Variants in DSCAM observed in about 807,000 individuals in gnomAD.
The protein encoded by DSCAM is cell adhesion molecule DSCAM.
A neutral mutation model predicts 217.7 loss-of-function variants in DSCAM; 47 were observed. The observed-to-expected ratio is 0.22, with a 90% CI of 0.17 to 0.28. The LOEUF (loss-of-function observed/expected upper bound fraction) is 0.28. DSCAM is among the 10% of genes least tolerant of loss of function. The pLI is 1.00. For synonymous variants in DSCAM, 1,056 were observed against 1,015.3 expected (o/e 1.04, Z -0.76); for missense variants, 2,080 against 2,618.3 (o/e 0.79, Z 4.49).
In DSCAM at chr21:40,116,871, G is replaced by A. The variant is rs186082870; in HGVS notation, c.3696+7324C>T. Reference sequence around the variant, plus strand: ...CAAAACATTAGCCAGGCATGGTGGCGGGCGCCTGTAGTCCCAGCTACTTGG... The same window carrying A: ...CAAAACATTAGCCAGGCATGGTGGCAGGCGCCTGTAGTCCCAGCTACTTGG... On this transcript the variant is annotated intron_variant, in intron 20 of 32. Transcript: ENST00000400454. Among the ~76,000 whole-genome samples the A allele has an allele frequency of 9.7e-4, 146 of 150,564 alleles. 1 individual carries two copies. Among genetic ancestry groups the A allele is most frequent in the African/African-American group, 3.1e-3 (127 of 41,006 alleles).
At position 40,520,049 on chromosome 21, in the gene DSCAM, T is replaced by A. The variant is rs1177533057; in HGVS notation, c.509-150804A>T. Among the ~76,000 whole-genome samples the A allele has an allele frequency of 3.9e-5, 6 of 152,178 alleles. No individual in the cohort carries two copies. In the East Asian group the frequency reaches 1.2e-3, roughly 29 times the overall value. ...AAGCACATATTTATATTATTTCAGATCTTGCATCTATTAGAAGGCATTTAA... is the reference window on the plus strand; with the variant it reads ...AAGCACATATTTATATTATTTCAGAACTTGCATCTATTAGAAGGCATTTAA... On this transcript the variant is annotated intron_variant, in intron 3 of 32. Coordinates refer to ENST00000400454, the MANE Select transcript of DSCAM (RefSeq NM_001389.5).
intron 3 of DSCAM, among the ~76,000 whole-genome samples, chr21:40,400,331 G>T (rs1009920627): frequency 6.6e-6 from 1 of 152,128 alleles, no homozygotes; most frequent in South Asian, 2.1e-4. Context: ...AAAATAGCTA[G>T]AAGAGTAATA....
chr21:40,135,894 G>A (rs999831575), intron 18 of DSCAM, among the ~76,000 whole-genome samples: 3 of 152,250 alleles, frequency 2.0e-5, no homozygotes, highest in African/African-American at 7.2e-5. Context: ...TCACATGCCA[G>A]AGAGCCCCTG....
chr21:40,497,355 A>G (rs2076127049), intron 3 of DSCAM, among the ~76,000 whole-genome samples: 1 of 152,158 alleles, frequency 6.6e-6, no homozygotes, highest in African/African-American at 2.4e-5. Context: ...ACATTATGTT[A>G]AGTAAAATAA....
In DSCAM at chr21:40,340,373, T is replaced by C. The variant is rs148916302; in HGVS notation, c.1211-958A>G. Among the ~76,000 whole-genome samples, 4 of 152,364 alleles carry C rather than the reference T, an allele frequency of 2.6e-5. No homozygotes were observed. The East Asian group carries it at 5.8e-4, about 22-fold the overall frequency. On this transcript the variant is annotated intron_variant, in intron 6 of 32. Transcript: ENST00000400454. ...ATCATCCATATGGTTTTTTCTCTTATATAGTAATAGTTACAAATGCATGTT... is the reference window on the plus strand; with the variant it reads ...ATCATCCATATGGTTTTTTCTCTTACATAGTAATAGTTACAAATGCATGTT...
intron 3 of DSCAM, among the ~76,000 whole-genome samples, chr21:40,458,448 G>A (rs1039496438): frequency 3.3e-5 from 5 of 151,920 alleles, no homozygotes; most frequent in African/African-American, 7.3e-5. Flanking sequence ...TTTAAGTCTC[G>A]TACACATACA....
At chr21:40,702,080 C>T (rs2090662712) in intron 2 of DSCAM, among the ~76,000 whole-genome samples, 2 of 152,100 alleles carry the variant, frequency 1.3e-5, no homozygotes, top group African/African-American at 4.8e-5. Flanking sequence ...GCAGTTCTAT[C>T]CATTTTTACT....
At chr21:40,747,116 G>C (rs577535382) in intron 1 of DSCAM, among the ~76,000 whole-genome samples, 6 of 145,880 alleles carry the variant, frequency 4.1e-5, no homozygotes, top group African/African-American at 9.8e-5. Flanking sequence ...AAAATGTAGA[G>C]AGATCTCAAA....
chr21:40,456,055 T>C (rs187310668), intron 3 of DSCAM, among the ~76,000 whole-genome samples: 34 of 151,986 alleles, frequency 2.2e-4, no homozygotes, highest in African/African-American at 7.7e-4. Flanking sequence ...AACCTGCACA[T>C]TGTGCACATG....
chr21:40,348,023 A>C (rs1601573357), intron 5 of DSCAM, 78 bp from the exon 6 acceptor site: 2 of 1,477,586 alleles, frequency 1.4e-6, no homozygotes, highest in Non-Finnish European at 9.0e-7. Flanking sequence ...CTGGACTTTC[A>C]ACAAAGCAAG....
At chr21:40,280,518 A>C (rs977710212) in intron 10 of DSCAM, among the ~76,000 whole-genome samples, 5 of 152,126 alleles carry the variant, frequency 3.3e-5, no homozygotes, top group African/African-American at 1.2e-4. Context: ...TAAATACATC[A>C]GTATAAGAGT....
At chr21:40,452,855 C>T (rs2075731583) in intron 3 of DSCAM, among the ~76,000 whole-genome samples, 1 of 152,056 alleles carries the variant, frequency 6.6e-6, no homozygotes, top group Non-Finnish European at 1.5e-5. Flanking sequence ...ATAGGGAAAT[C>T]TGTAAAATTC....
At chr21:40,068,562 A>G (rs1467113927) in intron 27 of DSCAM, among the ~76,000 whole-genome samples, 1 of 152,212 alleles carries the variant, frequency 6.6e-6, no homozygotes, top group African/African-American at 2.4e-5. Flanking sequence ...GTAGCTATTG[A>G]TACTGTGTTA....
At chr21:40,530,766 C>CTT (rs2076437582) in intron 3 of DSCAM, among the ~76,000 whole-genome samples, 6 of 152,250 alleles carry the variant, frequency 3.9e-5, no homozygotes, top group Non-Finnish European at 7.4e-5. Context: ...CCACCCACCC[C>CTT]ATCGCTCGAT....
intron 2 of DSCAM, among the ~76,000 whole-genome samples, chr21:40,700,548 T>C (rs184805927): frequency 6.6e-6 from 1 of 152,128 alleles, no homozygotes; most frequent in African/African-American, 2.4e-5. Flanking sequence ...CTTTTATATG[T>C]TGTTGGATTC....
At chr21:40,500,768 T>C (rs1158864775) in intron 3 of DSCAM, among the ~76,000 whole-genome samples, 1 of 152,102 alleles carries the variant, frequency 6.6e-6, no homozygotes, top group East Asian at 1.9e-4. Context: ...AAGGAGCAGG[T>C]GAAACAAAAT....
chr21:40,748,717 G>A (rs1170399338), intron 1 of DSCAM, among the ~76,000 whole-genome samples: 1 of 151,958 alleles, frequency 6.6e-6, no homozygotes, highest in African/African-American at 2.4e-5. Context: ...ATTCTTCACT[G>A]CAATAGAAAT....
intron 3 of DSCAM, among the ~76,000 whole-genome samples, chr21:40,468,331 C>A (rs552519196): frequency 7.3e-4 from 111 of 152,188 alleles, no homozygotes; most frequent in African/African-American, 2.6e-3. Context: ...GTCTGAGATA[C>A]TTTTTGGTTT....
chr21:40,658,721 G>A (rs917781417), intron 3 of DSCAM, among the ~76,000 whole-genome samples: 10 of 151,986 alleles, frequency 6.6e-5, no homozygotes, highest in Admixed American at 2.0e-4. Flanking sequence ...GGGGGAGTGG[G>A]GGTAGGAAGA....
Sources: gnomAD v4.1 joint callset for allele counts (sites outside exome capture counted in the v4.1 genomes callset) on GRCh38, gnomAD v4.1.1 for gene constraint, MANE v1.5 for transcripts, NCBI Gene and HGNC (gene_info 2026-07-23, HGNC 2026-07-21) for gene names.